Variants in AK2 observed in about 807,000 individuals in gnomAD.
The protein encoded by AK2 is adenylate kinase 2, mitochondrial.
In AK2, 15 loss-of-function variants were observed where a neutral mutation model predicts 24.6. The ratio of observed to expected loss-of-function variants is 0.61; its 90% confidence interval spans 0.41 to 0.94. The LOEUF (loss-of-function observed/expected upper bound fraction) is 0.94. Among genes scored for constraint, AK2 ranks in the 40% least tolerant of loss-of-function variants. AK2 has a pLI of 0.00. For synonymous variants in AK2, 102 were observed against 114.0 expected (o/e 0.90, Z 0.67); for missense variants, 257 against 304.1 (o/e 0.85, Z 1.15).
chr1:33,010,586 C>T lies in AK2; in HGVS notation c.*2595G>A. On this transcript the variant is annotated 3_prime_UTR_variant, in exon 6 of 6. Transcript: ENST00000672715. ...TGTGTCTATTTCTACCCCCACCCTCCAAGCATGGTGTTTTTTAAAAAATTA... is the reference window on the plus strand; with the variant it reads ...TGTGTCTATTTCTACCCCCACCCTCTAAGCATGGTGTTTTTTAAAAAATTA... The T allele has an allele frequency of 9.8e-7, 1 of 1,016,514 alleles. No individual in the cohort carries two copies. The highest frequency in any genetic ancestry group is 1.5e-6 in the Non-Finnish European group (1 of 674,128). 63.0% of individuals were successfully genotyped at this position (1,016,514 alleles called of 1,614,324 possible).
At chr1:33,034,449 T>TATAC (rs1491232479) in intron 1 of AK2, among the ~76,000 whole-genome samples, 4 of 141,886 alleles carry the variant, frequency 2.8e-5, no homozygotes, top group African/African-American at 1.0e-4. Context: ...GGGTGCTTGA[T>TATAC]ACACACACAC....
chr1:33,012,814 T>C lies in AK2; in HGVS notation c.*367A>G, dbSNP rs1459142026. On this transcript the variant is annotated 3_prime_UTR_variant, in exon 6 of 6. Coordinates refer to ENST00000672715, the MANE Select transcript of AK2 (RefSeq NM_001625.4). ...CAGGAGGCTGAGGTGGGATAATTGC[T>C]TGAGCCCCAGGAGGCAGAGGTTGCC... 4.4e-6 allele frequency: 5 copies of C among 1,136,824 alleles called. No homozygotes were observed. Among genetic ancestry groups the C allele is most frequent in the South Asian group, 3.9e-5 (3 of 77,670 alleles). 70.4% of individuals were successfully genotyped at this position (1,136,824 alleles called of 1,614,324 possible).
chr1:33,029,493 G>A (rs1366247517), intron 1 of AK2: 1 of 148,432 alleles, frequency 6.7e-6, no homozygotes, highest in East Asian at 2.0e-4. Flanking sequence ...AGTTCACTGT[G>A]GCCTCAAACT....
Position 33,009,731 on chromosome 1 carries a change from GC to G in AK2, c.*3449del, listed in dbSNP as rs1472363028. On this transcript the variant is annotated 3_prime_UTR_variant, in exon 6 of 6. Coordinates refer to ENST00000672715, the MANE Select transcript of AK2 (RefSeq NM_001625.4). ...CTAGACCAAGCTGCCTTGTCTCTGG[GC>G]TCAAGAGAAGCCTGCATAGGAGCTG... 2.2e-6 allele frequency: 1 copy of G among 454,114 alleles called. No homozygotes were observed. Among genetic ancestry groups the G allele is most frequent in the Non-Finnish European group, 4.4e-6 (1 of 226,776 alleles). The allele number at this position is 454,114 out of a possible 1,614,324, so 28.1% of individuals were successfully genotyped here.
At chr1:33,021,880 C>G (rs1639581290) in intron 2 of AK2, among the ~76,000 whole-genome samples, 177 bp from the exon 3 acceptor site, 1 of 151,998 alleles carries the variant, frequency 6.6e-6, no homozygotes, top group Admixed American at 6.6e-5. Flanking sequence ...TTGGAAGATC[C>G]AGTTTCATAA....
chr1:33,010,197 T>C lies in AK2; in HGVS notation c.*2984A>G, dbSNP rs967154298. The C allele has an allele frequency of 2.2e-5, 10 of 454,206 alleles. No individual in the cohort carries two copies. Among genetic ancestry groups the C allele is most frequent in the Non-Finnish European group, 4.0e-5 (9 of 226,872 alleles). The allele number at this position is 454,206 out of a possible 1,614,324, so 28.1% of individuals were successfully genotyped here. The stretch of plus-strand genomic sequence containing the variant: ...GTGAGAGGTTACTCATGAAAGTAGG[T>C]AGCCTAGTAAATTAGTGGTAAGTCA... On this transcript the variant is annotated 3_prime_UTR_variant, in exon 6 of 6. Coordinates refer to ENST00000672715, the MANE Select transcript of AK2 (RefSeq NM_001625.4).
In AK2 at chr1:33,014,602, A is replaced by G. The variant is rs2124288489; in HGVS notation, c.426-8T>C. The stretch of plus-strand genomic sequence containing the variant: ...CTCTTGGGGTGAATCAGCCTGAAAG[A>G]CAGCAAATGAATATGAGTTAGGTTA... On this transcript the variant is annotated splice_polypyrimidine_tract_variant and splice_region_variant and intron_variant, in intron 4 of 5. Transcript: ENST00000672715. 1.2e-6 allele frequency: 2 copies of G among 1,607,754 alleles called. No homozygotes were observed. Among genetic ancestry groups the G allele is most frequent in the South Asian group, 2.2e-5 (2 of 90,982 alleles).
chr1:33,030,628 T>C (rs539903702), intron 1 of AK2, among the ~76,000 whole-genome samples: 1 of 152,366 alleles, frequency 6.6e-6, no homozygotes, highest in Admixed American at 6.5e-5. Flanking sequence ...ACTTTGAGCA[T>C]GTGCATCATG....
rs377362828 is a variant in AK2 at position 33,009,896 on chromosome 1, T to TA, written c.*3284dup. 3.1e-5 allele frequency: 14 copies of TA among 454,368 alleles called. No individual in the cohort carries two copies. The highest frequency in any genetic ancestry group is 1.9e-4 in the Admixed American group (8 of 42,548). 28.1% of individuals were successfully genotyped at this position (454,368 alleles called of 1,614,324 possible). A position where few individuals can be genotyped will look rare whatever the true frequency, so the allele number is the denominator to read the frequency against. ...TGTCATTTTTCTAGCTTAGATTATC[T>TA]AAAAAAAATGCCACAACAGGGGATA... On this transcript the variant is annotated 3_prime_UTR_variant, in exon 6 of 6. Transcript: ENST00000672715.
intron 2 of AK2, among the ~76,000 whole-genome samples, chr1:33,021,955 C>G (rs1422683929): frequency 1.3e-5 from 2 of 152,086 alleles, no homozygotes; most frequent in East Asian, 1.9e-4. Flanking sequence ...TCCCAAAAAT[C>G]TGGGTGAGGG....
intron 4 of AK2, among the ~76,000 whole-genome samples, chr1:33,020,971 C>T (rs1419790584): frequency 6.6e-6 from 1 of 152,046 alleles, no homozygotes; most frequent in East Asian, 1.9e-4. Context: ...TGGTGAAACT[C>T]CATCTCTACT....
rs374780164 is a variant in AK2, at chr1:33,012,483, C to T, written c.*698G>A. On this transcript the variant is annotated 3_prime_UTR_variant, in exon 6 of 6. Transcript: ENST00000672715. ...CTGCCTGACTTCACATGATCCTGGA[C>T]TTCTAATCAGCTGCTGGAAATGGAA... 2 of 1,396,782 alleles carry T rather than the reference C, an allele frequency of 1.4e-6. No individual in the cohort carries two copies. Among genetic ancestry groups the T allele is most frequent in the East Asian group, 7.4e-5 (2 of 27,190 alleles). The allele number at this position is 1,396,782 out of a possible 1,614,324, so 86.5% of individuals were successfully genotyped here. A position where few individuals can be genotyped will look rare whatever the true frequency, so the allele number is the denominator to read the frequency against.
Position 33,024,557 on chromosome 1 carries a change from A to T in AK2, c.104T>A (p.Leu35Ter). 1 of 1,614,192 alleles carries T rather than the reference A, an allele frequency of 6.2e-7. No individual in the cohort carries two copies. The highest frequency in any genetic ancestry group is 8.5e-7 in the Non-Finnish European group (1 of 1,180,004). ...ATGGCAGACACAGAAGTTTTCAGCC[A>T]ATCTGGGTGCCTACAGAGAGGAAGA... Reference protein sequence around the residue: ...GAGKGTQAPRLAENFCVCHLA... With the variant: ...GAGKGTQAPR Residue 35 changes from leucine to a stop codon, truncating the protein, a stop_gained, in exon 2 of 6, where the codon TTG becomes TAG. Transcript: ENST00000672715. LOFTEE classifies it high-confidence loss of function.
At chr1:33,020,229 A>AC (rs1639451950) in intron 4 of AK2, 12 of 1,084,596 alleles carry the variant, frequency 1.1e-5, no homozygotes, top group East Asian at 1.1e-4. Flanking sequence ...ACACACACAC[A>AC]AAGTGGCTGT....
In AK2 at chr1:33,008,516, G is replaced by A. The variant is rs1019053968; in HGVS notation, c.*4665C>T. ...CAGCGCTGAGTGTCCATGGAAAAGAGCTCTTATTCAGAGCAGCCCTTCCTG... is the reference window on the plus strand; with the variant it reads ...CAGCGCTGAGTGTCCATGGAAAAGAACTCTTATTCAGAGCAGCCCTTCCTG... On this transcript the variant is annotated 3_prime_UTR_variant, in exon 6 of 6. Coordinates refer to ENST00000672715, the MANE Select transcript of AK2 (RefSeq NM_001625.4). 1 of 454,104 alleles carries A rather than the reference G, an allele frequency of 2.2e-6. No homozygotes were observed. The highest frequency in any genetic ancestry group is 4.4e-6 in the Non-Finnish European group (1 of 226,790). 28.1% of individuals were successfully genotyped at this position (454,104 alleles called of 1,614,324 possible). A position where few individuals can be genotyped will look rare whatever the true frequency, so the allele number is the denominator to read the frequency against.
chr1:33,018,515 T>C (rs766780213), intron 4 of AK2, among the ~76,000 whole-genome samples: 2 of 152,088 alleles, frequency 1.3e-5, no homozygotes, highest in Non-Finnish European at 2.9e-5. Context: ...ACCATCAACA[T>C]TTTGGACTAC....
At chr1:33,023,331 G>C (rs1244360339) in intron 2 of AK2, among the ~76,000 whole-genome samples, 1 of 152,038 alleles carries the variant, frequency 6.6e-6, no homozygotes, top group Non-Finnish European at 1.5e-5. Context: ...GAGAGGCTGG[G>C]GCAGGAGGAC....
intron 1 of AK2, among the ~76,000 whole-genome samples, chr1:33,034,449 TACACACACACACACAC>T (rs71833811): frequency 7.7e-5 from 11 of 141,986 alleles, no homozygotes; most frequent in South Asian, 2.3e-4. Flanking sequence ...GGGTGCTTGA[TACACACACACACACAC>T]ACACACACAC....
Position 33,012,379 on chromosome 1 carries a change from G to T in AK2, c.*802C>A. On this transcript the variant is annotated 3_prime_UTR_variant, in exon 6 of 6. Transcript: ENST00000672715. ...AATTAATGATCCCTGTTCACACACT[G>T]ACTCACGTGGGTTTTCATCATGGGT... The T allele has an allele frequency of 3.9e-6, 6 of 1,520,312 alleles. No homozygotes were observed. The highest frequency in any genetic ancestry group is 5.3e-6 in the Non-Finnish European group (6 of 1,138,946). The allele number at this position is 1,520,312 out of a possible 1,614,324, so 94.2% of individuals were successfully genotyped here. A position where few individuals can be genotyped will look rare whatever the true frequency, so the allele number is the denominator to read the frequency against.
Sources: allele counts gnomAD v4.1 joint callset (sites outside exome capture counted in the v4.1 genomes callset), GRCh38; gene constraint gnomAD v4.1.1; transcripts MANE v1.5; gene names NCBI Gene and HGNC (gene_info 2026-07-23, HGNC 2026-07-21).